The following PMFBP1 variants were observed in gnomAD, a reference collection of about 807,000 sequenced individuals.
PMFBP1 encodes the protein polyamine modulated factor 1 binding protein 1.
In PMFBP1, 131 loss-of-function variants were observed where a neutral mutation model predicts 137.8. That is an observed-to-expected ratio of 0.95 (90% CI 0.82 to 1.10). PMFBP1 has a LOEUF of 1.10. Ranked by LOEUF, PMFBP1 falls within the 50% of genes least tolerant of loss-of-function variation. The probability of loss-of-function intolerance (pLI) is 0.00; values close to 1 mark genes in which losing one functional copy is unlikely to be tolerated. For missense variants in PMFBP1, 1,199 were observed against 1,175.4 expected, an observed-to-expected ratio of 1.02 and a Z score of -0.29; for synonymous variants, 490 against 450.4, an observed-to-expected ratio of 1.09 and a Z score of -1.11.
intron 4 of PMFBP1, among the ~76,000 whole-genome samples, chr16:72,152,578 C>T (rs977569952): frequency 9.2e-5 from 14 of 152,130 alleles, no homozygotes; most frequent in African/African-American, 3.1e-4. Flanking sequence ...GGTATGGTGA[C>T]TCATGCCTGT....
rs1567623663 is a variant in PMFBP1 at position 72,130,604 on chromosome 16, C to G, written c.1566G>C (p.Gln522His). The G allele has an allele frequency of 2.5e-6, 4 of 1,613,996 alleles. No homozygotes were observed. Among genetic ancestry groups the G allele is most frequent in the Admixed American group, 1.7e-5 (1 of 60,008 alleles). Residue 522 changes from glutamine (Q) to histidine (H), a missense_variant, in exon 11 of 21, where the codon CAG (glutamine) becomes CAC (histidine). Coordinates refer to ENST00000237353, the MANE Select transcript of PMFBP1 (RefSeq NM_031293.3). ...LLDKQKADTI[Q>H]ELQRELQMLQ... ...GCATCTGAAGTTCTCTCTGTAGTTCCTGGATGGTGTCTGCCTTCTGCTTGT... is the reference window on the plus strand; with the variant it reads ...GCATCTGAAGTTCTCTCTGTAGTTCGTGGATGGTGTCTGCCTTCTGCTTGT...
intron 9 of PMFBP1, among the ~76,000 whole-genome samples, chr16:72,135,743 T>G (rs948080243): frequency 4.8e-4 from 65 of 134,078 alleles, no homozygotes; most frequent in African/African-American, 1.7e-3. Context: ...TTTTTCTGTT[T>G]TTTTTTTTTT....
At chr16:72,142,852 C>T (rs2042743829) in intron 5 of PMFBP1, among the ~76,000 whole-genome samples, 1 of 151,886 alleles carries the variant, frequency 6.6e-6, no homozygotes. Flanking sequence ...CTTTCCAGCT[C>T]ATTATATTAG....
chr16:72,126,163 T>G (rs1233260283), intron 14 of PMFBP1, 31 bp from the exon 15 acceptor site: 1 of 1,610,310 alleles, frequency 6.2e-7, no homozygotes, highest in African/African-American at 1.3e-5. Context: ...ACTGTCAGGG[T>G]GCCAGGTCAG....
chr16:72,228,689 T>A, the PMFBP1 span, among the ~76,000 whole-genome samples: 1 of 152,182 alleles, frequency 6.6e-6, no homozygotes, highest in Admixed American at 6.5e-5. Flanking sequence ...TTGGGGTGCC[T>A]CTCTATTTCT....
the PMFBP1 span, among the ~76,000 whole-genome samples, chr16:72,245,851 C>T: frequency 3.5e-3 from 536 of 152,344 alleles, 4 homozygotes; most frequent in South Asian, 6.8e-3. Flanking sequence ...TGATATTACA[C>T]TTGTATTTGA....
chr16:72,163,364 A>G (rs2043092392), intron 3 of PMFBP1, among the ~76,000 whole-genome samples: 1 of 152,258 alleles, frequency 6.6e-6, no homozygotes. Context: ...CTTCCAAAGA[A>G]AGCAAACCCC....
At chr16:72,204,098 A>C in the PMFBP1 span, among the ~76,000 whole-genome samples, 1 of 152,118 alleles carries the variant, frequency 6.6e-6, no homozygotes, top group Non-Finnish European at 1.5e-5. Context: ...AGCTGGAAGC[A>C]GATTTTTCTT....
the PMFBP1 span, among the ~76,000 whole-genome samples, chr16:72,221,240 T>C: frequency 5.5e-3 from 835 of 152,218 alleles, 15 homozygotes; most frequent in African/African-American, 0.019. Flanking sequence ...ATATGCAAAA[T>C]TAGGAGCTGG....
At chr16:72,130,185 G>C (rs778205381) in intron 12 of PMFBP1, 28 bp downstream of exon 12, 1 of 1,608,020 alleles carries the variant, frequency 6.2e-7, no homozygotes, top group Non-Finnish European at 8.5e-7. Context: ...GCAAGCACTT[G>C]AATGGGCCAT....
chr16:72,169,597 A>G (rs1443485053), intron 2 of PMFBP1, among the ~76,000 whole-genome samples: 1 of 152,198 alleles, frequency 6.6e-6, no homozygotes, highest in Non-Finnish European at 1.5e-5. Flanking sequence ...CACATTCTGC[A>G]CATGTATCCC....
At chr16:72,234,910 G>A in the PMFBP1 span, among the ~76,000 whole-genome samples, 1 of 152,068 alleles carries the variant, frequency 6.6e-6, no homozygotes, top group African/African-American at 2.4e-5. Context: ...TTATTGTTGA[G>A]TCGTAATAGT....
chr16:72,235,560 C>G, the PMFBP1 span, among the ~76,000 whole-genome samples: 1 of 150,876 alleles, frequency 6.6e-6, no homozygotes, highest in South Asian at 2.1e-4. Context: ...AAATCAAGCA[C>G]CTGGGATTTT....
Position 72,148,851 on chromosome 16 carries a change from T to C in PMFBP1, c.636+1757A>G, listed in dbSNP as rs1230479561. On this transcript the variant is annotated intron_variant, in intron 5 of 20. Transcript: ENST00000237353. The stretch of plus-strand genomic sequence containing the variant: ...GACTTGTTGCCCTTTATGGGGATTG[T>C]GTAGGCTGAAGAAAACTGCTTTGCC... Among the ~76,000 whole-genome samples, 4 of 152,188 alleles carry C rather than the reference T, an allele frequency of 2.6e-5. No individual in the cohort carries two copies. In the East Asian group the frequency reaches 7.7e-4, roughly 29 times the overall value.
Position 72,130,611 on chromosome 16 carries a change from G to GTGTC in PMFBP1, c.1555_1558dup (p.Thr520ArgfsTer21). The stretch of plus-strand genomic sequence containing the variant: ...AAGTTCTCTCTGTAGTTCCTGGATG[G>GTGTC]TGTCTGCCTTCTGCTTGTCCAGGAG... On this transcript the variant is annotated frameshift_variant, in exon 11 of 21. Transcript: ENST00000237353. LOFTEE classifies it high-confidence loss of function. 5 of 1,613,948 alleles carry GTGTC rather than the reference G, an allele frequency of 3.1e-6. No homozygotes were observed. Among genetic ancestry groups the GTGTC allele is most frequent in the Non-Finnish European group, 4.2e-6 (5 of 1,179,992 alleles).
rs1488140800 is a variant in PMFBP1 at position 72,156,313 on chromosome 16, G to A, written c.166-1854C>T. Among the ~76,000 whole-genome samples the A allele has an allele frequency of 2.0e-5, 3 of 151,284 alleles. No homozygotes were observed. The East Asian group carries it at 5.9e-4, about 30-fold the overall frequency. On this transcript the variant is annotated intron_variant, in intron 3 of 20. Coordinates refer to ENST00000237353, the MANE Select transcript of PMFBP1 (RefSeq NM_031293.3). ...CATAATGTTTTTGAGGTTCATCCAG[G>A]TTGCGGCAAGAATCAGTATTGGAGG...
the PMFBP1 span, among the ~76,000 whole-genome samples, chr16:72,208,372 C>G: frequency 6.6e-6 from 1 of 152,228 alleles, no homozygotes; most frequent in Non-Finnish European, 1.5e-5. Context: ...AGCAGGGTTA[C>G]CCAACATTTC....
the PMFBP1 span, among the ~76,000 whole-genome samples, chr16:72,192,226 C>T: frequency 2.0e-5 from 3 of 152,162 alleles, no homozygotes; most frequent in African/African-American, 7.2e-5. Flanking sequence ...AGAAGAGACA[C>T]ACACGTTTGA....
the PMFBP1 span, among the ~76,000 whole-genome samples, chr16:72,223,846 G>GA: frequency 2.0e-5 from 3 of 152,144 alleles, no homozygotes; most frequent in Non-Finnish European, 4.4e-5. Context: ...AAACACATTG[G>GA]AAAATTACTA....
Sources: gnomAD v4.1 joint callset for allele counts (sites outside exome capture counted in the v4.1 genomes callset) on GRCh38, gnomAD v4.1.1 for gene constraint, MANE v1.5 for transcripts, NCBI Gene and HGNC (gene_info 2026-07-23, HGNC 2026-07-21) for gene names.